FZD8: variants seen among roughly 807,000 people sequenced by gnomAD.
The protein encoded by FZD8 is frizzled class receptor 8.
FZD8 carries 18 observed loss-of-function variants against 46.0 expected under a neutral mutation model. The observed-to-expected ratio is 0.39, with a 90% CI of 0.27 to 0.58. The LOEUF (loss-of-function observed/expected upper bound fraction) is 0.58. Among genes scored for constraint, FZD8 ranks in the 20% least tolerant of loss-of-function variants. The pLI, the probability that FZD8 is intolerant of heterozygous loss-of-function variation, is 0.55. For synonymous variants in FZD8, 586 were observed against 467.9 expected, an observed-to-expected ratio of 1.25 and a Z score of -3.26; for missense variants, 785 against 983.4, an observed-to-expected ratio of 0.80 and a Z score of 2.70.
At position 35,641,398 on chromosome 10, in the gene FZD8, G is replaced by A. The variant is rs145725294; in HGVS notation, c.32C>T (p.Ser11Leu). The change falls in exon 1 of 1, where the codon TCG (serine) becomes TTG (leucine). Residue 11 changes from serine (S) to leucine (L), a missense_variant. By Grantham distance (145) the Ser-to-Leu change is moderately radical. Coordinates refer to ENST00000374694, the MANE Select transcript of FZD8 (RefSeq NM_031866.3). This position sits in a 1 kb window ranked among gnomAD's most constrained non-coding sequence, Gnocchi z 6.3. MEWGYLLEVT[S>L]LLAALALLQR... ...CAGCAGCGCCAAGGCGGCCAGCAGC[G>A]AGGTCACTTCCAACAGGTAACCCCA... 279 of 1,611,658 alleles carry A rather than the reference G, an allele frequency of 1.7e-4. 1 individual carries two copies. The African/African-American group carries it at 3.4e-3, about 20-fold the overall frequency.
Position 35,639,342 on chromosome 10 carries a change from CGCTCA to C in FZD8, c.2083_*2del. On this transcript the variant is annotated stop_lost and 3_prime_UTR_variant, in exon 1 of 1. Transcript: ENST00000374694. ...CCCCTCCTGGGCGCCCCCTCCCCTCCGCTCAGACCTGGGACAATGGCATCTGCTTT... is the reference window on the plus strand; with the variant it reads ...CCCCTCCTGGGCGCCCCCTCCCCTCCGACCTGGGACAATGGCATCTGCTTT... 2 of 1,432,690 alleles carry C rather than the reference CGCTCA, an allele frequency of 1.4e-6. No individual in the cohort carries two copies. The highest frequency in any genetic ancestry group is 1.9e-6 in the Non-Finnish European group (2 of 1,077,120). 88.7% of individuals were successfully genotyped at this position (1,432,690 alleles called of 1,614,324 possible).
In FZD8 at chr10:35,641,457, C is replaced by A; in HGVS notation, c.-28G>T. 1 of 1,558,268 alleles carries A rather than the reference C, an allele frequency of 6.4e-7. No homozygotes were observed. On this transcript the variant is annotated 5_prime_UTR_variant, in exon 1 of 1. Transcript: ENST00000374694. This position sits in a 1 kb window ranked among gnomAD's most constrained non-coding sequence, Gnocchi z 6.3. ...TGTGCGCCTCGGCCCGGTGCCCTCG[C>A]CCTCCAGGCGGCGCGCAGAGGGGTG...
chr10:35,640,802 G>T lies in FZD8; in HGVS notation c.628C>A (p.Arg210Ser), dbSNP rs1420854242. The T allele has an allele frequency of 9.6e-7, 1 of 1,039,704 alleles. No homozygotes were observed. The highest frequency in any genetic ancestry group is 1.2e-6 in the Non-Finnish European group (1 of 866,620). The allele number at this position is 1,039,704 out of a possible 1,614,324, so 64.4% of individuals were successfully genotyped here. A position where few individuals can be genotyped will look rare whatever the true frequency, so the allele number is the denominator to read the frequency against. ...GGGDAAAPPA[R>S]GGGGGGKARP... Reference sequence around the variant, plus strand: ...GCCTTCCCGCCACCGCCGCCGCCGCGAGCTGGGGGCGCCGCCGCGTCCCCG... The same window carrying T: ...GCCTTCCCGCCACCGCCGCCGCCGCTAGCTGGGGGCGCCGCCGCGTCCCCG... The change falls in exon 1 of 1, where the codon CGC becomes AGC. Residue 210 changes from arginine (R) to serine (S), a missense_variant. Arg to Ser is a moderately radical substitution (Grantham distance 110, BLOSUM62 -1). Around this residue, in one of 5 missense-constraint regions of FZD8, gnomAD observed 354 missense variants for 433.2 expected, o/e 0.82. Coordinates refer to ENST00000374694, the MANE Select transcript of FZD8 (RefSeq NM_031866.3).
Position 35,641,510 on chromosome 10 carries a change from C to G in FZD8, c.-81G>C, listed in dbSNP as rs980652034. 2.7e-5 allele frequency: 40 copies of G among 1,479,434 alleles called. No individual in the cohort carries two copies. Among genetic ancestry groups the G allele is most frequent in the Middle Eastern group, 5.0e-4 (2 of 4,020 alleles). The allele number at this position is 1,479,434 out of a possible 1,614,324, so 91.6% of individuals were successfully genotyped here. On this transcript the variant is annotated 5_prime_UTR_variant, in exon 1 of 1. Coordinates refer to ENST00000374694, the MANE Select transcript of FZD8 (RefSeq NM_031866.3). The surrounding 1 kb of genome is among the most constrained non-coding windows in gnomAD (Gnocchi z 6.3). ...GGGGGGGGGGCCCACGAGAGAGCCG[C>G]AGACGGGTACAGCGGGTGATCTGGG...
At position 35,641,123 on chromosome 10, in the gene FZD8, G is replaced by A. The variant is rs1439744230; in HGVS notation, c.307C>T (p.Pro103Ser). 6.2e-7 allele frequency: 1 copy of A among 1,612,630 alleles called. No individual in the cohort carries two copies. The highest frequency in any genetic ancestry group is 1.3e-5 in the African/African-American group (1 of 74,910). ...CACACCGAGCGGCAGGGCGGCAGCG[G>A]CTTCTTGTAGTCCTCTAGGCAGATG... ...TPICLEDYKK[P>S]LPPCRSVCER... is the part of the protein sequence containing the mutation. The change falls in exon 1 of 1, where the codon CCG becomes TCG. Residue 103 changes from proline (P) to serine (S), a missense_variant. Pro to Ser is a moderately conservative substitution (Grantham distance 74). Around this residue, in one of 5 missense-constraint regions of FZD8, gnomAD observed 354 missense variants for 433.2 expected, o/e 0.82. Coordinates refer to ENST00000374694, the MANE Select transcript of FZD8 (RefSeq NM_031866.3). This position sits in a 1 kb window ranked among gnomAD's most constrained non-coding sequence, Gnocchi z 6.3.
rs1402782860 is a variant in FZD8 at position 35,642,151 on chromosome 10, G to C, written c.-722C>G. On this transcript the variant is annotated 5_prime_UTR_variant, in exon 1 of 1. Coordinates refer to ENST00000374694, the MANE Select transcript of FZD8 (RefSeq NM_031866.3). ...GCCGCAGTCGGGCGAGGTGCACACA[G>C]TCTCCTTCCTGCTGGACACCCAGGA... is the stretch of plus-strand genomic sequence containing the variant. 6.6e-6 allele frequency: 1 copy of C among 152,618 alleles called. No individual in the cohort carries two copies. The highest frequency in any genetic ancestry group is 1.5e-5 in the Non-Finnish European group (1 of 68,226). 9.5% of individuals were successfully genotyped at this position (152,618 alleles called of 1,614,324 possible).
At position 35,641,079 on chromosome 10, in the gene FZD8, G is replaced by A; in HGVS notation, c.351C>T (p.Gly117=). ...CGTACTGGCGCATGAGCGGCGCGCA[G>A]CCGGCCTTGGCGCGCTCGCACACCG... ...CRSVCERAKA[G]CAPLMRQYGF... Residue 117 remains glycine, a synonymous_variant, in exon 1 of 1, where the codon GGC becomes GGT. Transcript: ENST00000374694. This position sits in a 1 kb window ranked among gnomAD's most constrained non-coding sequence, Gnocchi z 6.3. 1 of 1,610,332 alleles carries A rather than the reference G, an allele frequency of 6.2e-7. No individual in the cohort carries two copies. The highest frequency in any genetic ancestry group is 1.1e-5 in the South Asian group (1 of 90,956).
Position 35,640,326 on chromosome 10 carries a change from G to C in FZD8, c.1104C>G (p.Gly368=). The change falls in exon 1 of 1, where the codon GGC becomes GGG. Residue 368 remains glycine, a synonymous_variant. Transcript: ENST00000374694. ...AGAGAAGAGA[G]GPGGRGEYEE... ...CGTACTCGCCGCGCCCGCCCGGGCC[G>C]CCCGCGCCCGCGCCCGCCGCGCCCG... The C allele has an allele frequency of 3.9e-6, 4 of 1,023,000 alleles. No individual in the cohort carries two copies. Among genetic ancestry groups the C allele is most frequent in the Non-Finnish European group, 4.7e-6 (4 of 850,732 alleles). The allele number at this position is 1,023,000 out of a possible 1,614,324, so 63.4% of individuals were successfully genotyped here. A position where few individuals can be genotyped will look rare whatever the true frequency, so the allele number is the denominator to read the frequency against.
rs751583496 is a variant in FZD8, at chr10:35,640,660, A to G, written c.770T>C (p.Ile257Thr). The change falls in exon 1 of 1, where the codon ATC (isoleucine) becomes ACC (threonine). Residue 257 changes from isoleucine (I) to threonine (T), a missense_variant. By Grantham distance (89) the Ile-to-Thr change is moderately conservative. Coordinates refer to ENST00000374694, the MANE Select transcript of FZD8 (RefSeq NM_031866.3). The stretch of plus-strand genomic sequence containing the variant: ...GTGGCAGGGCAGCGCGCAGTTAGCG[A>G]TCTGGCCTGTCTTGACGCGGTTGTA... ...PLYNRVKTGQ[I>T]ANCALPCHNP... 2.3e-5 allele frequency: 36 copies of G among 1,576,942 alleles called. No individual in the cohort carries two copies. The South Asian group carries it at 3.8e-4, about 16-fold the overall frequency.
chr10:35,641,299 T>G lies in FZD8; in HGVS notation c.131A>C (p.Lys44Thr). Residue 44 changes from lysine to threonine, a missense_variant, in exon 1 of 1, where the codon AAG (lysine) becomes ACG (threonine). Physicochemically the swap from Lys to Thr is moderately conservative, Grantham distance 78 (BLOSUM62 -1). Around this residue, in one of 5 missense-constraint regions of FZD8, gnomAD observed 354 missense variants for 433.2 expected, o/e 0.82. Coordinates refer to ENST00000374694, the MANE Select transcript of FZD8 (RefSeq NM_031866.3). This position sits in a 1 kb window ranked among gnomAD's most constrained non-coding sequence, Gnocchi z 6.3. ...GTAGGTGTAGTTGTAGCCGATGCCC[T>G]TACACAGCGGCACGGTGATCTCTTG... The part of the protein sequence containing the change: ...ACQEITVPLC[K>T]GIGYNYTYMP... The G allele has an allele frequency of 6.2e-7, 1 of 1,614,018 alleles. No individual in the cohort carries two copies. Among genetic ancestry groups the G allele is most frequent in the Non-Finnish European group, 8.5e-7 (1 of 1,179,914 alleles).
Position 35,641,606 on chromosome 10 carries a change from CGGCGCGGCCCGCAGCCTGGGCAG to C in FZD8, c.-200_-178del, listed in dbSNP as rs895352550. On this transcript the variant is annotated 5_prime_UTR_variant, in exon 1 of 1. Transcript: ENST00000374694. This position sits in a 1 kb window ranked among gnomAD's most constrained non-coding sequence, Gnocchi z 6.3. ...ACCCCTTCTAGGGGCGCGTCCGCAG[CGGCGCGGCCCGCAGCCTGGGCAG>C]GGCCCTTCCGCACTCCTTTCCGCCG... is the stretch of plus-strand genomic sequence containing the variant. 2 of 797,562 alleles carry C rather than the reference CGGCGCGGCCCGCAGCCTGGGCAG, an allele frequency of 2.5e-6. No individual in the cohort carries two copies. Among genetic ancestry groups the C allele is most frequent in the African/African-American group, 3.5e-5 (2 of 56,548 alleles). The allele number at this position is 797,562 out of a possible 1,614,324, so 49.4% of individuals were successfully genotyped here. A position where few individuals can be genotyped will look rare whatever the true frequency, so the allele number is the denominator to read the frequency against.
chr10:35,639,515 C>A lies in FZD8; in HGVS notation c.1915G>T (p.Gly639Trp). The change falls in exon 1 of 1, where the codon GGG becomes TGG. Residue 639 changes from glycine to tryptophan, a missense_variant. Around this residue, in one of 5 missense-constraint regions of FZD8, gnomAD observed 185 missense variants for 180.8 expected, o/e 1.02. Transcript: ENST00000374694. ...VGGGAGATAA[G>W]GGGGPGGGGG... Reference sequence around the variant, plus strand: ...CCGCCCCCCGGCCCGCCGCCACCCCCCGCGGCCGTGGCGCCCGCGCCCCCG... The same window carrying A: ...CCGCCCCCCGGCCCGCCGCCACCCCACGCGGCCGTGGCGCCCGCGCCCCCG... The A allele has an allele frequency of 9.0e-7, 1 of 1,113,452 alleles. No homozygotes were observed. The highest frequency in any genetic ancestry group is 1.1e-6 in the Non-Finnish European group (1 of 910,518). The allele number at this position is 1,113,452 out of a possible 1,614,324, so 69.0% of individuals were successfully genotyped here.
At position 35,641,020 on chromosome 10, in the gene FZD8, C is replaced by G. The variant is rs1451029884; in HGVS notation, c.410G>C (p.Arg137Pro). 1.9e-6 allele frequency: 3 copies of G among 1,606,684 alleles called. No homozygotes were observed. Among genetic ancestry groups the G allele is most frequent in the African/African-American group, 1.3e-5 (1 of 74,786 alleles). ...FAWPDRMRCD[R>P]LPEQGNPDTL... ...GTCAGGGTTGCCTTGCTCGGGCAGC[C>G]GGTCGCAGCGCATGCGGTCGGGCCA... Residue 137 changes from arginine to proline, a missense_variant, in exon 1 of 1, where the codon CGG (arginine) becomes CCG (proline). By Grantham distance (103) the Arg-to-Pro change is moderately radical. Transcript: ENST00000374694. This position sits in a 1 kb window ranked among gnomAD's most constrained non-coding sequence, Gnocchi z 6.3.
At position 35,640,287 on chromosome 10, in the gene FZD8, C is replaced by T. The variant is rs1315370515; in HGVS notation, c.1143G>A (p.Ala381=). 1 of 1,588,900 alleles carries T rather than the reference C, an allele frequency of 6.3e-7. No individual in the cohort carries two copies. Among genetic ancestry groups the T allele is most frequent in the Non-Finnish European group, 8.5e-7 (1 of 1,173,316 alleles). ...GGRGEYEELG[A]VEQHVRYETT... ...TCTCGTAGCGCACGTGCTGCTCCAC[C>T]GCGCCCAGCTCCTCGTACTCGCCGC... is the stretch of plus-strand genomic sequence containing the variant. Residue 381 remains alanine, a synonymous_variant, in exon 1 of 1, where the codon GCG becomes GCA. Transcript: ENST00000374694.
Position 35,641,604 on chromosome 10 carries a change from A to G in FZD8, c.-175T>C. ...TAACCCCTTCTAGGGGCGCGTCCGCAGCGGCGCGGCCCGCAGCCTGGGCAG... is the reference window on the plus strand; with the variant it reads ...TAACCCCTTCTAGGGGCGCGTCCGCGGCGGCGCGGCCCGCAGCCTGGGCAG... On this transcript the variant is annotated 5_prime_UTR_variant, in exon 1 of 1. Coordinates refer to ENST00000374694, the MANE Select transcript of FZD8 (RefSeq NM_031866.3). The surrounding 1 kb of genome is among the most constrained non-coding windows in gnomAD (Gnocchi z 6.3). 1.2e-6 allele frequency: 1 copy of G among 826,446 alleles called. No homozygotes were observed. The highest frequency in any genetic ancestry group is 1.8e-6 in the Non-Finnish European group (1 of 551,422). 51.2% of individuals were successfully genotyped at this position (826,446 alleles called of 1,614,324 possible).
Position 35,639,753 on chromosome 10 carries a change from CG to C in FZD8, c.1676del (p.Pro559ArgfsTer36), listed in dbSNP as rs1564477223. The C allele has an allele frequency of 1.2e-6, 2 of 1,600,594 alleles. No individual in the cohort carries two copies. The highest frequency in any genetic ancestry group is 1.7e-6 in the Non-Finnish European group (2 of 1,179,782). On this transcript the variant is annotated frameshift_variant, in exon 1 of 1. Transcript: ENST00000374694. LOFTEE classifies it high-confidence loss of function. ...GGCAGTTGTGCGTGGCCTCCCAGCG[CG>C]GGCGGTTGTGCTGCTCGTAGAAGAG... The part of the protein sequence containing the change: ...ACLFYEQHNR[P>X]RWEATHNCPC...
At position 35,641,063 on chromosome 10, in the gene FZD8, G is replaced by A; in HGVS notation, c.367C>T (p.Arg123Cys). ...RAKAGCAPLM[R>C]QYGFAWPDRM... ...TCGGGCCAGGCGAAGCCGTACTGGCGCATGAGCGGCGCGCAGCCGGCCTTG... is the reference window on the plus strand; with the variant it reads ...TCGGGCCAGGCGAAGCCGTACTGGCACATGAGCGGCGCGCAGCCGGCCTTG... Residue 123 changes from arginine (R) to cysteine (C), a missense_variant, in exon 1 of 1, where the codon CGC (arginine) becomes TGC (cysteine). Transcript: ENST00000374694. The surrounding 1 kb of genome is among the most constrained non-coding windows in gnomAD (Gnocchi z 6.3). 6.2e-7 allele frequency: 1 copy of A among 1,609,838 alleles called. No homozygotes were observed. Among genetic ancestry groups the A allele is most frequent in the Non-Finnish European group, 8.5e-7 (1 of 1,178,676 alleles).
Position 35,640,639 on chromosome 10 carries a change from C to A in FZD8, c.791G>T (p.Cys264Phe). The change falls in exon 1 of 1, where the codon TGC (cysteine) becomes TTC (phenylalanine). Residue 264 changes from cysteine (C) to phenylalanine (F), a missense_variant. Coordinates refer to ENST00000374694, the MANE Select transcript of FZD8 (RefSeq NM_031866.3). ...GTCCTGGCTGAAAAAGGGGTTGTGG[C>A]AGGGCAGCGCGCAGTTAGCGATCTG... ...TGQIANCALP[C>F]HNPFFSQDER... is the part of the protein sequence containing the mutation. The A allele has an allele frequency of 6.3e-7, 1 of 1,581,288 alleles. No homozygotes were observed. Among genetic ancestry groups the A allele is most frequent in the Non-Finnish European group, 8.6e-7 (1 of 1,161,854 alleles).
chr10:35,640,057 G>T lies in FZD8; in HGVS notation c.1373C>A (p.Ala458Glu). 6.2e-7 allele frequency: 1 copy of T among 1,610,102 alleles called. No individual in the cohort carries two copies. The highest frequency in any genetic ancestry group is 8.5e-7 in the Non-Finnish European group (1 of 1,179,444). The change falls in exon 1 of 1, where the codon GCG becomes GAG. Residue 458 changes from alanine (A) to glutamate (E), a missense_variant. Around this residue, in one of 5 missense-constraint regions of FZD8, gnomAD observed 147 missense variants for 242.5 expected, o/e 0.61. Transcript: ENST00000374694. Reference sequence around the variant, plus strand: ...CGGGTCGCCGTCCACCGAGCTGAGCGCCAGCACCGCGATGGACTTGACGCT... The same window carrying T: ...CGGGTCGCCGTCCACCGAGCTGAGCTCCAGCACCGCGATGGACTTGACGCT... ...VPSVKSIAVL[A>E]LSSVDGDPVA...
Sources: allele counts gnomAD v4.1 joint callset, GRCh38; gene constraint gnomAD v4.1.1; regional missense constraint gnomAD v4.1.1; non-coding constraint Gnocchi (gnomAD v3.1); transcripts MANE v1.5; gene names NCBI Gene and HGNC (gene_info 2026-07-23, HGNC 2026-07-21).